Variants in TP63 observed in about 807,000 individuals in gnomAD.
The protein encoded by TP63 is tumor protein p63, also known as tumor protein 63.
In TP63, 17 loss-of-function variants were observed where a neutral mutation model predicts 82.8. That is an observed-to-expected ratio of 0.21 (90% CI 0.14 to 0.31). TP63 has a LOEUF of 0.31. TP63 is among the 10% of genes least tolerant of loss of function. The pLI is 1.00. For missense variants in TP63, 648 were observed against 895.3 expected, an observed-to-expected ratio of 0.72 and a Z score of 3.52; for synonymous variants, 330 against 321.7, an observed-to-expected ratio of 1.03 and a Z score of -0.28.
intron 1 of TP63, among the ~76,000 whole-genome samples, chr3:189,703,427 A>AATAGATGGATAGATAG (rs1553816184): frequency 7.0e-6 from 1 of 143,142 alleles, no homozygotes; most frequent in Non-Finnish European, 1.5e-5. Context: ...CCCTGTCTAA[A>AATAGATGGATAGATAG]ATAGATAGAT....
At position 189,858,345 on chromosome 3, in the gene TP63, G is replaced by A. The variant is rs1716563391; in HGVS notation, c.580-5887G>A. Among the ~76,000 whole-genome samples, 3 of 15,210 alleles carry A rather than the reference G, an allele frequency of 2.0e-4. 1 individual carries two copies. Among genetic ancestry groups the A allele is most frequent in the Non-Finnish European group, 4.4e-4 (3 of 6,754 alleles). The allele number at this position is 15,210 out of a possible 152,430, so 10.0% of individuals were successfully genotyped here. ...GCGTGAACCCCAGGGGGCGGAGCCT[G>A]CAGTGAGCCGAGATTGCGCCACTGC... On this transcript the variant is annotated intron_variant, in intron 4 of 13. Coordinates refer to ENST00000264731, the MANE Select transcript of TP63 (RefSeq NM_003722.5).
chr3:189,743,438 C>A (rs1274166537), intron 3 of TP63, among the ~76,000 whole-genome samples: 1 of 152,040 alleles, frequency 6.6e-6, no homozygotes, highest in African/African-American at 2.4e-5. Flanking sequence ...TCCCTTTGGC[C>A]TGTAAGTTCC....
chr3:189,808,076 C>G (rs1347807507), intron 3 of TP63, among the ~76,000 whole-genome samples, 196 bp from the exon 4 acceptor site: 6 of 152,204 alleles, frequency 3.9e-5, no homozygotes, highest in African/African-American at 1.4e-4. Context: ...TCTGGAAAAG[C>G]CGTTACAAAC....
At chr3:189,692,365 T>A (rs948978002) in intron 1 of TP63, among the ~76,000 whole-genome samples, 4 of 152,048 alleles carry the variant, frequency 2.6e-5, no homozygotes, top group African/African-American at 9.7e-5. Context: ...CCTTCTTTAT[T>A]TCTTTTACCT....
intron 1 of TP63, among the ~76,000 whole-genome samples, chr3:189,665,690 A>AGAGGGAAAGGGAG (rs1714324621): frequency 6.6e-6 from 1 of 152,108 alleles, no homozygotes; most frequent in Non-Finnish European, 1.5e-5. Context: ...TATTCTTTAA[A>AGAGGGAAAGGGAG]GCCACTTTTA....
chr3:189,750,240 CA>C (rs1247243348), intron 3 of TP63, among the ~76,000 whole-genome samples: 1 of 151,824 alleles, frequency 6.6e-6, no homozygotes, highest in African/African-American at 2.4e-5. Context: ...TGTAAGTTCT[CA>C]CTCATATGTA....
At chr3:189,625,213 A>G in the TP63 span, among the ~76,000 whole-genome samples, 1 of 152,202 alleles carries the variant, frequency 6.6e-6, no homozygotes, top group Non-Finnish European at 1.5e-5. Context: ...TAAATGTTTT[A>G]GGTTCACAGT....
rs762783899 is a variant in TP63 at position 189,868,696 on chromosome 3, A to G, written c.1109A>G (p.Asn370Ser). Residue 370 changes from asparagine (N) to serine (S), a missense_variant, in exon 8 of 14, where the codon AAC becomes AGC. This residue lies in a region of TP63 where 342 missense variants were observed against 425.7 expected (regional missense o/e 0.80). Coordinates refer to ENST00000264731, the MANE Select transcript of TP63 (RefSeq NM_003722.5). ...CAGCAAGTTTCGGACAGTACAAAGA[A>G]CGGTGATGGTACGAAGCGCCGTAAG... ...RKQQVSDSTK[N>S]GDGTKRPFRQ... 34 of 1,613,962 alleles carry G rather than the reference A, an allele frequency of 2.1e-5. No homozygotes were observed. Among genetic ancestry groups the G allele is most frequent in the Non-Finnish European group, 2.7e-5 (32 of 1,179,992 alleles).
chr3:189,881,288 T>C (rs1719888632), intron 10 of TP63: 1 of 985,360 alleles, frequency 1.0e-6, no homozygotes, highest in Non-Finnish European at 1.2e-6. Context: ...TACTCAAAAG[T>C]TTAGAGAATC....
At chr3:189,673,327 A>T (rs1036809377) in intron 1 of TP63, among the ~76,000 whole-genome samples, 6 of 152,160 alleles carry the variant, frequency 3.9e-5, no homozygotes, top group African/African-American at 1.2e-4. Flanking sequence ...CTTTCTTAAG[A>T]TTAGAGAAAA....
At chr3:189,880,815 C>T in intron 10 of TP63, 1 of 985,324 alleles carries the variant, frequency 1.0e-6, no homozygotes, top group Non-Finnish European at 1.2e-6. Flanking sequence ...TATTTGTGTC[C>T]TCCCCTCATG....
chr3:189,625,540 A>C, the TP63 span, among the ~76,000 whole-genome samples: 1 of 152,306 alleles, frequency 6.6e-6, no homozygotes, highest in East Asian at 1.9e-4. Context: ...GTCAAATCTG[A>C]ATAAGCAGCG....
chr3:189,690,620 G>A (rs1716842203), intron 1 of TP63, among the ~76,000 whole-genome samples: 1 of 152,154 alleles, frequency 6.6e-6, no homozygotes, highest in African/African-American at 2.4e-5. Flanking sequence ...GGCAGCTCAA[G>A]AACTGAGTGG....
At chr3:189,880,836 A>G (rs187062184) in intron 10 of TP63, 1 of 985,342 alleles carries the variant, frequency 1.0e-6, no homozygotes, top group African/African-American at 1.7e-5. Flanking sequence ...TGTAGGTAGA[A>G]CATTTCTTAA....
At position 189,894,363 on chromosome 3, in the gene TP63, G is replaced by A. The variant is rs2108874075; in HGVS notation, c.1904G>A (p.Gly635Asp). 1.2e-6 allele frequency: 2 copies of A among 1,613,986 alleles called. No individual in the cohort carries two copies. The highest frequency in any genetic ancestry group is 1.1e-5 in the South Asian group (1 of 91,060). The stretch of plus-strand genomic sequence containing the variant: ...AGTGTGGGCTCCAGTGAGACCCGGG[G>A]TGAGCGTGTTATTGATGCTGTGCGA... ...TVSVGSSETR[G>D]ERVIDAVRFT... Residue 635 changes from glycine to aspartate, a missense_variant, in exon 14 of 14, where the codon GGT (glycine) becomes GAT (aspartate). Gly to Asp is a moderately conservative substitution (Grantham distance 94). This residue lies in a region of TP63 where 342 missense variants were observed against 425.7 expected (regional missense o/e 0.80). Coordinates refer to ENST00000264731, the MANE Select transcript of TP63 (RefSeq NM_003722.5).
At chr3:189,713,236 T>C (rs1718724152) in intron 1 of TP63, among the ~76,000 whole-genome samples, 1 of 152,190 alleles carries the variant, frequency 6.6e-6, no homozygotes, top group Non-Finnish European at 1.5e-5. Flanking sequence ...ACACACTGCC[T>C]GGCAAGTAAC....
At chr3:189,868,017 T>G (rs1161243108) in intron 7 of TP63, 75 bp downstream of exon 7, 1 of 1,222,402 alleles carries the variant, frequency 8.2e-7, no homozygotes, top group African/African-American at 1.5e-5. Flanking sequence ...CGTGGCTGCT[T>G]TATCATTAAT....
At chr3:189,772,536 T>C (rs1421707552) in intron 3 of TP63, among the ~76,000 whole-genome samples, 1 of 152,224 alleles carries the variant, frequency 6.6e-6, no homozygotes, top group African/African-American at 2.4e-5. Context: ...CACACTGTCA[T>C]TTTGCCTAAC....
chr3:189,644,558 G>T (rs1330369473), intron 1 of TP63, among the ~76,000 whole-genome samples: 1 of 152,042 alleles, frequency 6.6e-6, no homozygotes, highest in African/African-American at 2.4e-5. Flanking sequence ...AGTTTTGGGG[G>T]AACGTGGTTT....
Sources: gnomAD v4.1 joint callset for allele counts (sites outside exome capture counted in the v4.1 genomes callset) on GRCh38, gnomAD v4.1.1 for gene constraint, gnomAD v4.1.1 regional missense constraint, MANE v1.5 for transcripts, NCBI Gene and HGNC (gene_info 2026-07-23, HGNC 2026-07-21) for gene names.